The following POF1B variants were observed in gnomAD, a reference collection of about 807,000 sequenced individuals.
POF1B encodes protein POF1B.
POF1B carries 53 observed loss-of-function variants against 55.3 expected under a neutral mutation model. The ratio of observed to expected loss-of-function variants is 0.96; its 90% CI spans 0.77 to 1.20. The LOEUF is 1.20. POF1B is among the 50% of genes most tolerant of loss of function. The pLI is 0.00. For missense variants in POF1B, 478 were observed against 420.5 expected (o/e 1.14, Z -1.20); for synonymous variants, 188 against 148.3 (o/e 1.27, Z -1.95).
intron 10 of POF1B, 132 bp downstream of exon 10, chrX:85,307,992 A>C (rs1043639926): frequency 2.9e-6 from 1 of 344,485 alleles, no homozygotes. Context: ...TGAAGAAAAT[A>C]ATTTAGCTTT....
chrX:85,328,988 G>A (rs1932934455), intron 7 of POF1B, among the ~76,000 whole-genome samples: 1 of 111,379 alleles, frequency 9.0e-6, no homozygotes, highest in African/African-American at 3.3e-5. Flanking sequence ...ACAGGGCATG[G>A]TTAATGCACC....
At chrX:85,320,198 A>C (rs1932823069) in intron 7 of POF1B, among the ~76,000 whole-genome samples, 2 of 109,851 alleles carry the variant, frequency 1.8e-5, no homozygotes, top group Admixed American at 1.9e-4. Flanking sequence ...TTGTATTTCT[A>C]TCCCCTTTTC....
intron 6 of POF1B, among the ~76,000 whole-genome samples, chrX:85,333,634 G>A (rs1376118915): frequency 2.7e-5 from 3 of 110,882 alleles, no homozygotes; most frequent in African/African-American, 9.8e-5. Flanking sequence ...AGTACAGGCA[G>A]CCCTTCCTTA....
chrX:85,348,918 C>T (rs758369410), intron 5 of POF1B, among the ~76,000 whole-genome samples: 2 of 111,421 alleles, frequency 1.8e-5, no homozygotes, highest in South Asian at 7.5e-4. Context: ...CTCTAACATT[C>T]CTTACTATTT....
intron 2 of POF1B, among the ~76,000 whole-genome samples, chrX:85,376,167 C>G (rs986030433): frequency 9.0e-6 from 1 of 111,421 alleles, no homozygotes; most frequent in Admixed American, 9.6e-5. Context: ...TCCATTTTTT[C>G]TCTCTCACAT....
chrX:85,341,298 G>C (rs1323497807), intron 6 of POF1B, among the ~76,000 whole-genome samples: 1 of 110,758 alleles, frequency 9.0e-6, no homozygotes, highest in Non-Finnish European at 1.9e-5. Flanking sequence ...ATTGCCTCTG[G>C]GGATCAGCTC....
At chrX:85,366,075 G>A (rs950694237) in intron 3 of POF1B, among the ~76,000 whole-genome samples, 2 of 111,766 alleles carry the variant, frequency 1.8e-5, no homozygotes, top group Admixed American at 9.5e-5. Context: ...AAAAATAAAA[G>A]CAAATGGTTA....
chrX:85,327,919 G>A (rs759580837), intron 7 of POF1B, among the ~76,000 whole-genome samples: 1 of 111,387 alleles, frequency 9.0e-6, no homozygotes, highest in Non-Finnish European at 1.9e-5. Flanking sequence ...TAACCAGAAT[G>A]GTTTCATGTG....
At chrX:85,323,354 C>G (rs1296083777) in intron 7 of POF1B, among the ~76,000 whole-genome samples, 1 of 107,053 alleles carries the variant, frequency 9.3e-6, no homozygotes, top group East Asian at 3.0e-4. Flanking sequence ...GACAAAAAAC[C>G]AAGCACCGCA....
At chrX:85,366,002 A>T (rs1429425157) in intron 3 of POF1B, among the ~76,000 whole-genome samples, 1 of 111,710 alleles carries the variant, frequency 9.0e-6, no homozygotes, top group Non-Finnish European at 1.9e-5. Flanking sequence ...GAGAGTTCTT[A>T]TATATCAATG....
intron 7 of POF1B, among the ~76,000 whole-genome samples, chrX:85,316,835 C>T (rs1932791832): frequency 9.1e-6 from 1 of 110,174 alleles, no homozygotes; most frequent in African/African-American, 3.3e-5. Context: ...GTAATAAGCA[C>T]AGTAACCAAT....
At chrX:85,372,316 G>C (rs1289968736) in intron 2 of POF1B, among the ~76,000 whole-genome samples, 2 of 103,079 alleles carry the variant, frequency 1.9e-5, no homozygotes, top group Non-Finnish European at 2.0e-5. Flanking sequence ...TGTGCTCCAG[G>C]CTGGGCGACA....
chrX:85,311,869 C>T (rs1360233964), intron 9 of POF1B, among the ~76,000 whole-genome samples: 2 of 112,167 alleles, frequency 1.8e-5, no homozygotes, highest in Non-Finnish European at 3.8e-5. Context: ...GATCGCCATT[C>T]TAACTCACGT....
intron 6 of POF1B, among the ~76,000 whole-genome samples, chrX:85,339,204 A>G (rs1263866681): frequency 9.0e-6 from 1 of 110,842 alleles, no homozygotes; most frequent in Non-Finnish European, 1.9e-5. Context: ...GCAGGCAAAA[A>G]GAGAGAGCTT....
chrX:85,329,644 TA>T lies in POF1B; in HGVS notation c.854+1304del, dbSNP rs1223303666. On this transcript the variant is annotated intron_variant, in intron 7 of 16. Transcript: ENST00000262753. ...AGGTGGTGGTCGTTTTTTTTTTTTT[TA>T]AAAAAAGAGAATAAGGCAGAGAGTT... 8.2e-3 allele frequency among the ~76,000 whole-genome samples: 858 copies of T among 104,892 alleles called. 7 individuals are homozygous for T. Among genetic ancestry groups the T allele is most frequent in the African/African-American group, 0.028 (798 of 28,408 alleles). The allele number at this position is 104,892 out of a possible 115,157, so 91.1% of individuals were successfully genotyped here.
intron 6 of POF1B, among the ~76,000 whole-genome samples, chrX:85,339,425 A>G (rs1038003745): frequency 5.4e-5 from 6 of 111,286 alleles, no homozygotes; most frequent in Non-Finnish European, 7.6e-5. Context: ...AGAGGTCCAG[A>G]TGAAAGAAGG....
intron 6 of POF1B, among the ~76,000 whole-genome samples, chrX:85,332,902 A>C (rs945905398): frequency 9.0e-6 from 1 of 111,053 alleles, no homozygotes; most frequent in Non-Finnish European, 1.9e-5. Context: ...ATGTGAAGGC[A>C]TGAGTAGATG....
chrX:85,374,005 C>T (rs912301390), intron 2 of POF1B, among the ~76,000 whole-genome samples: 1 of 110,944 alleles, frequency 9.0e-6, no homozygotes, highest in African/African-American at 3.3e-5. Context: ...ACATGGAGGG[C>T]CTTGAAAGTC....
intron 11 of POF1B, among the ~76,000 whole-genome samples, 195 bp downstream of exon 11, chrX:85,306,968 T>C (rs1010748619): frequency 4.5e-5 from 5 of 112,001 alleles, no homozygotes; most frequent in Non-Finnish European, 9.4e-5. Flanking sequence ...ATATCTAAAA[T>C]AGATAAGATT....
Sources: gnomAD v4.1 joint callset for allele counts (sites outside exome capture counted in the v4.1 genomes callset) on GRCh38, gnomAD v4.1.1 for gene constraint, MANE v1.5 for transcripts, NCBI Gene and HGNC (gene_info 2026-07-23, HGNC 2026-07-21) for gene names.